Variants in DAB1 observed in about 807,000 individuals in gnomAD.
DAB1 encodes the protein DAB adaptor protein 1.
Under a neutral mutation model 64.6 loss-of-function variants are expected in DAB1, and 15 were observed. The ratio of observed to expected loss-of-function variants is 0.23; its 90% CI spans 0.16 to 0.36. The LOEUF (loss-of-function observed/expected upper bound fraction) is 0.36. Ranked by LOEUF, DAB1 falls within the 10% of genes least tolerant of loss-of-function variation. The pLI is 1.00. For synonymous variants in DAB1, 235 were observed against 251.9 expected (o/e 0.93, Z 0.64); for missense variants, 596 against 706.7 (o/e 0.84, Z 1.78).
At chr1:57,637,795 G>T (rs571220301) in intron 7 of DAB1, among the ~76,000 whole-genome samples, 1 of 152,028 alleles carries the variant, frequency 6.6e-6, no homozygotes, top group African/African-American at 2.4e-5. Context: ...AACAACAAAG[G>T]GTAGAATATC....
intron 2 of DAB1, chr1:58,527,166 C>A (rs1646364919): frequency 3.9e-6 from 3 of 767,970 alleles, no homozygotes; most frequent in Non-Finnish European, 7.1e-6. Flanking sequence ...GTCCAACTCT[C>A]ATTCTCTGCT....
At chr1:58,010,352 T>C (rs1198253178) in intron 5 of DAB1, among the ~76,000 whole-genome samples, 1 of 152,132 alleles carries the variant, frequency 6.6e-6, no homozygotes, top group African/African-American at 2.4e-5. Flanking sequence ...ATACATCTGA[T>C]AAAATTCCAA....
chr1:57,239,337 T>C (rs1211100377), intron 2 of DAB1, among the ~76,000 whole-genome samples: 1 of 152,240 alleles, frequency 6.6e-6, no homozygotes, highest in African/African-American at 2.4e-5. Flanking sequence ...ACAGTAATCA[T>C]GTCATTAATT....
intron 6 of DAB1, among the ~76,000 whole-genome samples, chr1:57,807,609 C>T (rs1651422130): frequency 6.6e-6 from 1 of 152,182 alleles, no homozygotes; most frequent in Non-Finnish European, 1.5e-5. Flanking sequence ...TGTAGTCCTA[C>T]AAATGCATAA....
intron 5 of DAB1, among the ~76,000 whole-genome samples, chr1:58,107,488 TA>T (rs1481513344): frequency 1.3e-5 from 2 of 149,776 alleles, no homozygotes; most frequent in African/African-American, 4.9e-5. Context: ...AAAAAAAATC[TA>T]AAAAAAGTAA....
intron 1 of DAB1, among the ~76,000 whole-genome samples, chr1:57,850,948 C>T (rs929520775): frequency 2.6e-5 from 4 of 152,142 alleles, no homozygotes; most frequent in African/African-American, 9.7e-5. Flanking sequence ...GTTTTCCTTC[C>T]ACCCCCTGCA....
At chr1:58,262,504 G>C (rs894200234) in intron 4 of DAB1, among the ~76,000 whole-genome samples, 2 of 152,110 alleles carry the variant, frequency 1.3e-5, no homozygotes, top group African/African-American at 2.4e-5. Context: ...AGAATCGCTT[G>C]AACTCGGGAG....
chr1:57,734,666 G>A (rs61768385), intron 6 of DAB1, among the ~76,000 whole-genome samples: 26,579 of 152,184 alleles, frequency 0.17, 2,974 homozygotes, highest in Admixed American at 0.29. Flanking sequence ...GGCCCTAGGA[G>A]TGTTATCAGA....
rs555972837 is a variant in DAB1, at chr1:57,133,490, G to A, written c.306+3053C>T. On this transcript the variant is annotated intron_variant, in intron 4 of 14. Coordinates refer to ENST00000371236, the MANE Select transcript of DAB1 (RefSeq NM_001365792.1). Reference sequence around the variant, plus strand: ...TCCATCTGTCTGGTCTACAGACCTAGTAACATCATGATATATTAGCAATAT... The same window carrying A: ...TCCATCTGTCTGGTCTACAGACCTAATAACATCATGATATATTAGCAATAT... Among the ~76,000 whole-genome samples the A allele has an allele frequency of 3.9e-5, 6 of 152,238 alleles. No individual in the cohort carries two copies. The South Asian group carries it at 1.2e-3, about 32-fold the overall frequency.
intron 1 of DAB1, among the ~76,000 whole-genome samples, chr1:57,347,142 T>A (rs1678177278): frequency 1.3e-5 from 2 of 152,020 alleles, no homozygotes; most frequent in Non-Finnish European, 2.9e-5. Context: ...TCTGGGGAGG[T>A]GAAGCTGTCA....
chr1:57,815,616 A>C (rs1254064670), intron 6 of DAB1, among the ~76,000 whole-genome samples: 3 of 151,958 alleles, frequency 2.0e-5, no homozygotes, highest in African/African-American at 7.2e-5. Context: ...GGAGCAAACT[A>C]GTTGTCCAGA....
At chr1:58,032,109 G>T (rs1041739235) in intron 5 of DAB1, among the ~76,000 whole-genome samples, 10 of 151,806 alleles carry the variant, frequency 6.6e-5, no homozygotes, top group African/African-American at 2.4e-4. Flanking sequence ...CATCATCTGG[G>T]AGAGGGCTAG....
intron 5 of DAB1, among the ~76,000 whole-genome samples, chr1:58,078,920 C>T (rs572594064): frequency 6.6e-6 from 1 of 152,254 alleles, no homozygotes; most frequent in Non-Finnish European, 1.5e-5. Flanking sequence ...GAGACATTGA[C>T]TTTACATAGC....
chr1:58,037,204 C>T (rs1164834020), intron 5 of DAB1, among the ~76,000 whole-genome samples: 1 of 152,160 alleles, frequency 6.6e-6, no homozygotes, highest in Non-Finnish European at 1.5e-5. Flanking sequence ...TGCCTGCACA[C>T]ACAGATTTCT....
intron 4 of DAB1, among the ~76,000 whole-genome samples, 192 bp from the exon 5 acceptor site, chr1:57,072,606 TG>T (rs552390730): frequency 4.4e-4 from 67 of 152,336 alleles, no homozygotes; most frequent in African/African-American, 1.6e-3. Flanking sequence ...GTCTTAATGC[TG>T]TGACCAGAGA....
At chr1:57,098,699 C>A (rs1447670351) in intron 4 of DAB1, among the ~76,000 whole-genome samples, 1 of 152,056 alleles carries the variant, frequency 6.6e-6, no homozygotes, top group African/African-American at 2.4e-5. Context: ...ATTAATTCTA[C>A]CGGACTATGA....
In DAB1 at chr1:57,179,069, G is replaced by A. The variant is rs749243313; in HGVS notation, c.68-33640C>T. ...TCCACTACTTGAGGAAATTCAACAT[G>A]AGAGTCATCAGCAGATGTCAAACAG... On this transcript the variant is annotated intron_variant, in intron 2 of 14. Transcript: ENST00000371236. Among the ~76,000 whole-genome samples the A allele has an allele frequency of 1.2e-4, 18 of 152,280 alleles. No homozygotes were observed. In the East Asian group the frequency reaches 3.5e-3, roughly 29 times the overall value.
chr1:57,522,430 T>C (rs1644538925), intron 7 of DAB1, among the ~76,000 whole-genome samples: 1 of 152,178 alleles, frequency 6.6e-6, no homozygotes, highest in South Asian at 2.1e-4. Context: ...TCCTAAAATA[T>C]AAGACCTCAA....
intron 6 of DAB1, among the ~76,000 whole-genome samples, chr1:57,652,207 A>C (rs535927114): frequency 6.6e-6 from 1 of 152,254 alleles, no homozygotes; most frequent in South Asian, 2.1e-4. Flanking sequence ...CTTTTGAAAT[A>C]TCTTTTCAGG....
Sources: allele counts gnomAD v4.1 joint callset (sites outside exome capture counted in the v4.1 genomes callset), GRCh38; gene constraint gnomAD v4.1.1; transcripts MANE v1.5; gene names NCBI Gene and HGNC (gene_info 2026-07-23, HGNC 2026-07-21).